CAMTA1: variants seen among roughly 807,000 people sequenced by gnomAD.
CAMTA1 encodes calmodulin binding transcription activator 1.
Under a neutral mutation model 170.9 loss-of-function variants are expected in CAMTA1, and 27 were observed. The observed-to-expected ratio is 0.16, with a 90% CI of 0.12 to 0.22. The LOEUF is 0.22. Among genes scored for constraint, CAMTA1 ranks in the 10% least tolerant of loss-of-function variants. The probability of loss-of-function intolerance (pLI) is 1.00; values close to 1 mark genes in which losing one functional copy is unlikely to be tolerated. For synonymous variants in CAMTA1, 833 were observed against 891.5 expected (o/e 0.93, Z 1.17); for missense variants, 1,619 against 2,217.2 (o/e 0.73, Z 5.42).
intron 4 of CAMTA1, among the ~76,000 whole-genome samples, chr1:7,188,321 A>G (rs866496020): frequency 2.0e-5 from 3 of 152,240 alleles, no homozygotes; most frequent in African/African-American, 4.8e-5. Flanking sequence ...TGCACCTAAC[A>G]TAACATTTAC....
intron 22 of CAMTA1, 112 bp downstream of exon 22, chr1:7,755,780 A>C (rs1217017934): frequency 1.2e-6 from 1 of 853,524 alleles, no homozygotes; most frequent in African/African-American, 1.7e-5. Flanking sequence ...TTTCACATCC[A>C]TTTTGAATGA....
At chr1:7,213,090 T>C (rs1659073086) in intron 4 of CAMTA1, among the ~76,000 whole-genome samples, 1 of 152,268 alleles carries the variant, frequency 6.6e-6, no homozygotes, top group African/African-American at 2.4e-5. Context: ...CAGGTTTTTG[T>C]GTGGTCACAG....
chr1:6,960,316 C>T (rs1032922605), intron 3 of CAMTA1, among the ~76,000 whole-genome samples: 2 of 152,034 alleles, frequency 1.3e-5, no homozygotes, highest in African/African-American at 4.8e-5. Context: ...GAAAATGAGG[C>T]CAAGTTAGAA....
At chr1:7,105,773 G>A (rs1008325983) in intron 4 of CAMTA1, among the ~76,000 whole-genome samples, 1 of 151,750 alleles carries the variant, frequency 6.6e-6, no homozygotes, top group Non-Finnish European at 1.5e-5. Context: ...TGAGACCACC[G>A]TCTCTACAAA....
chr1:7,013,420 C>T (rs1201078814), intron 3 of CAMTA1, among the ~76,000 whole-genome samples: 3 of 152,012 alleles, frequency 2.0e-5, no homozygotes, highest in Non-Finnish European at 4.4e-5. Context: ...GCCATGTTGA[C>T]CAGGCTGGTC....
In CAMTA1 at chr1:7,318,392, A is replaced by G. The variant is rs148526155; in HGVS notation, c.438+68766A>G. Among the ~76,000 whole-genome samples the G allele has an allele frequency of 9.6e-3, 1,457 of 152,294 alleles. 26 individuals are homozygous for G. The highest frequency in any genetic ancestry group is 0.032 in the African/African-American group (1,344 of 41,556). ...TGGTATATAATGAATAAAATATAGC[A>G]CTGGACAACTTAACAGGGAATGGGA... On this transcript the variant is annotated intron_variant, in intron 5 of 22. Transcript: ENST00000303635.
rs1325906501 is a variant in CAMTA1, at chr1:7,368,739, G to A, written c.439-99091G>A. Among the ~76,000 whole-genome samples, 4 of 152,164 alleles carry A rather than the reference G, an allele frequency of 2.6e-5. No homozygotes were observed. The East Asian group carries it at 7.7e-4, about 29-fold the overall frequency. ...TGCTGCAGCTTCAGCACCCACCGTG[G>A]TACCTGGCTCGCTGTGGTGTTCCGC... On this transcript the variant is annotated intron_variant, in intron 5 of 22. Transcript: ENST00000303635.
chr1:7,267,247 T>C (rs1482612806), intron 5 of CAMTA1, among the ~76,000 whole-genome samples: 1 of 152,198 alleles, frequency 6.6e-6, no homozygotes. Context: ...GGATGGATTT[T>C]AGATGGCTTC....
At chr1:7,177,339 T>G (rs1485114933) in intron 4 of CAMTA1, among the ~76,000 whole-genome samples, 3 of 138,094 alleles carry the variant, frequency 2.2e-5, no homozygotes, top group African/African-American at 5.6e-5. Flanking sequence ...ACACTGAGGC[T>G]TCCTTCAGCA....
At chr1:7,207,090 C>A (rs1464291674) in intron 4 of CAMTA1, among the ~76,000 whole-genome samples, 1 of 152,208 alleles carries the variant, frequency 6.6e-6, no homozygotes, top group Non-Finnish European at 1.5e-5. Context: ...CTGGTACTGG[C>A]CTCCTAGAGG....
At chr1:7,098,307 G>C (rs140062459) in intron 4 of CAMTA1, among the ~76,000 whole-genome samples, 1 of 152,360 alleles carries the variant, frequency 6.6e-6, no homozygotes, top group Non-Finnish European at 1.5e-5. Flanking sequence ...GCACTGAACC[G>C]GGAACGCACT....
At chr1:7,731,102 CAT>C (rs1239173935) in intron 11 of CAMTA1, among the ~76,000 whole-genome samples, 12 of 152,148 alleles carry the variant, frequency 7.9e-5, no homozygotes, top group South Asian at 6.2e-4. Flanking sequence ...TGTGCATGCA[CAT>C]GTGTGTGTAA....
At chr1:7,222,522 AG>A (rs1203850443) in intron 4 of CAMTA1, among the ~76,000 whole-genome samples, 2 of 152,040 alleles carry the variant, frequency 1.3e-5, no homozygotes, top group Non-Finnish European at 2.9e-5. Flanking sequence ...CCCATGACAT[AG>A]TGGCTGTGCT....
chr1:7,283,683 G>A (rs915318383), intron 5 of CAMTA1, among the ~76,000 whole-genome samples: 2 of 152,172 alleles, frequency 1.3e-5, no homozygotes, highest in African/African-American at 4.8e-5. Flanking sequence ...AGTATTTCCT[G>A]ATACCTTCTT....
chr1:6,804,000 T>G (rs1256159262), intron 1 of CAMTA1, among the ~76,000 whole-genome samples: 1 of 151,660 alleles, frequency 6.6e-6, no homozygotes, highest in African/African-American at 2.4e-5. Context: ...TTGGCCAACA[T>G]GGGTGAAACC....
At chr1:7,139,145 A>G (rs1207289546) in intron 4 of CAMTA1, among the ~76,000 whole-genome samples, 1 of 140,222 alleles carries the variant, frequency 7.1e-6, no homozygotes, top group African/African-American at 2.6e-5. Context: ...AAATAAACAA[A>G]TATATAAATA....
At chr1:7,284,177 C>CTTCTTCTTATTA (rs1333698169) in intron 5 of CAMTA1, among the ~76,000 whole-genome samples, 48 of 99,312 alleles carry the variant, frequency 4.8e-4, no homozygotes, top group East Asian at 1.2e-3. Flanking sequence ...TCTTCTTCTT[C>CTTCTTCTTATTA]TTATTATTAT....
chr1:6,786,332 C>T (rs1248943593), intron 1 of CAMTA1, among the ~76,000 whole-genome samples: 3 of 152,130 alleles, frequency 2.0e-5, no homozygotes, highest in Non-Finnish European at 2.9e-5. Context: ...TGCCCTTGCA[C>T]CCTCACAGCC....
chr1:7,462,597 T>C (rs890336303), intron 5 of CAMTA1, among the ~76,000 whole-genome samples: 8 of 152,214 alleles, frequency 5.3e-5, no homozygotes, highest in Non-Finnish European at 1.0e-4. Flanking sequence ...GAATAGCTTT[T>C]ACATTTTTTT....
Sources: allele counts gnomAD v4.1 joint callset (sites outside exome capture counted in the v4.1 genomes callset), GRCh38; gene constraint gnomAD v4.1.1; transcripts MANE v1.5; gene names NCBI Gene and HGNC (gene_info 2026-07-23, HGNC 2026-07-21).